Variants in MCTP1 observed in about 807,000 individuals in gnomAD.
The protein encoded by MCTP1 is multiple C2 and transmembrane domain-containing protein 1.
In MCTP1, 69 loss-of-function variants were observed where a neutral mutation model predicts 120.6. The observed-to-expected ratio is 0.57, with a 90% CI of 0.47 to 0.70. MCTP1 has a LOEUF of 0.70. Among genes scored for constraint, MCTP1 ranks in the 30% least tolerant of loss-of-function variants. The pLI is 0.00. For synonymous variants in MCTP1, 529 were observed against 493.1 expected (o/e 1.07, Z -0.96); for missense variants, 1,203 against 1,248.8 (o/e 0.96, Z 0.55).
chr5:95,251,935 C>T (rs1268566093), intron 1 of MCTP1, among the ~76,000 whole-genome samples: 1 of 151,936 alleles, frequency 6.6e-6, no homozygotes, highest in East Asian at 1.9e-4. Flanking sequence ...AATCTTTTCC[C>T]AACCCAGAAA....
At chr5:95,214,209 T>C (rs1257252219) in intron 1 of MCTP1, among the ~76,000 whole-genome samples, 1 of 152,252 alleles carries the variant, frequency 6.6e-6, no homozygotes, top group East Asian at 1.9e-4. Context: ...GTGAAGGATA[T>C]GAACAGACAC....
chr5:94,812,131 A>G (rs887640592), intron 17 of MCTP1, among the ~76,000 whole-genome samples: 6 of 152,184 alleles, frequency 3.9e-5, no homozygotes, highest in Non-Finnish European at 8.8e-5. Context: ...TTTCCAGAAT[A>G]ATTGAATATT....
At chr5:95,016,176 T>C (rs958113553) in intron 2 of MCTP1, among the ~76,000 whole-genome samples, 2 of 152,028 alleles carry the variant, frequency 1.3e-5, no homozygotes, top group Non-Finnish European at 2.9e-5. Context: ...AGAATGTCTT[T>C]TTAAACTTTT....
chr5:94,995,886 C>T (rs1037859622), intron 2 of MCTP1, among the ~76,000 whole-genome samples: 1 of 152,118 alleles, frequency 6.6e-6, no homozygotes, highest in Admixed American at 6.6e-5. Flanking sequence ...AGGTGAAGAA[C>T]AAAAGATATG....
chr5:94,877,671 C>T (rs1405692627), intron 12 of MCTP1: 1 of 152,140 alleles, frequency 6.6e-6, no homozygotes, highest in Non-Finnish European at 1.5e-5. Context: ...TCTTTGAGGT[C>T]ACGACACTGA....
chr5:95,283,867 C>T lies in MCTP1; in HGVS notation c.709G>A (p.Gly237Ser), dbSNP rs761207624. The T allele has an allele frequency of 2.9e-6, 4 of 1,375,724 alleles. No homozygotes were observed. The highest frequency in any genetic ancestry group is 1.7e-5 in the South Asian group (1 of 58,456). 85.2% of individuals were successfully genotyped at this position (1,375,724 alleles called of 1,614,324 possible). A position where few individuals can be genotyped will look rare whatever the true frequency, so the allele number is the denominator to read the frequency against. ...CCACCGGCACTCACCTGGCTGCTGC[C>T]GTGCTCCTCGCCCGTCTCCGGGGCC... Reference protein sequence around the residue: ...SRAPETGEEHGSSQKIINTAG... With the variant: ...SRAPETGEEHSSSQKIINTAG... Residue 237 changes from glycine (G) to serine (S), a missense_variant, in exon 1 of 23, where the codon GGC becomes AGC. Gly to Ser is a moderately conservative substitution (Grantham distance 56). This residue lies in a region of MCTP1 where 463 missense variants were observed against 377.8 expected (regional missense o/e 1.23). Transcript: ENST00000515393.
At chr5:95,059,504 C>A (rs1025691245) in intron 1 of MCTP1, among the ~76,000 whole-genome samples, 9 of 151,898 alleles carry the variant, frequency 5.9e-5, no homozygotes, top group African/African-American at 2.2e-4. Context: ...GTACTCAAAT[C>A]TCAGCATTAT....
chr5:95,175,981 T>C (rs1477679265), intron 1 of MCTP1, among the ~76,000 whole-genome samples: 1 of 152,176 alleles, frequency 6.6e-6, no homozygotes, highest in Non-Finnish European at 1.5e-5. Context: ...AAACGCAGGC[T>C]GAAAGGCAAG....
intron 1 of MCTP1, among the ~76,000 whole-genome samples, chr5:95,261,609 C>T (rs926436040): frequency 6.6e-6 from 1 of 152,224 alleles, no homozygotes; most frequent in Admixed American, 6.5e-5. Context: ...ACCAGCAAAA[C>T]TTCCCCTGAT....
At chr5:95,108,247 C>G (rs1226816468) in intron 1 of MCTP1, among the ~76,000 whole-genome samples, 1 of 152,182 alleles carries the variant, frequency 6.6e-6, no homozygotes, top group Non-Finnish European at 1.5e-5. Context: ...TTGTCAATCT[C>G]CCTTCAAGTG....
intron 1 of MCTP1, among the ~76,000 whole-genome samples, chr5:95,085,362 C>T (rs1274225039): frequency 2.0e-5 from 3 of 150,984 alleles, no homozygotes; most frequent in African/African-American, 7.3e-5. Context: ...AATTTGCATG[C>T]TTTAAGCTTT....
chr5:95,166,600 A>C (rs1172164692), intron 1 of MCTP1, among the ~76,000 whole-genome samples: 1 of 130,728 alleles, frequency 7.6e-6, no homozygotes, highest in Non-Finnish European at 1.6e-5. Flanking sequence ...ATGGAGTCTC[A>C]CTCGTCACCC....
chr5:94,783,327 T>A (rs779608559), intron 18 of MCTP1, among the ~76,000 whole-genome samples: 16 of 152,118 alleles, frequency 1.1e-4, no homozygotes, highest in Non-Finnish European at 2.1e-4. Flanking sequence ...GCCATACATT[T>A]AAAAAATACA....
intron 1 of MCTP1, among the ~76,000 whole-genome samples, chr5:95,198,606 A>T (rs1750650678): frequency 6.6e-6 from 1 of 152,160 alleles, no homozygotes; most frequent in African/African-American, 2.4e-5. Flanking sequence ...TCAGGTCGGA[A>T]TCCCATTGTA....
chr5:94,716,376 T>C (rs1754107041), intron 19 of MCTP1, among the ~76,000 whole-genome samples: 1 of 151,474 alleles, frequency 6.6e-6, no homozygotes, highest in Non-Finnish European at 1.5e-5. Context: ...CATCAATTTA[T>C]CTTTCACACT....
At chr5:94,967,917 G>T (rs1280459641) in intron 2 of MCTP1, among the ~76,000 whole-genome samples, 1 of 152,116 alleles carries the variant, frequency 6.6e-6, no homozygotes, top group Non-Finnish European at 1.5e-5. Flanking sequence ...CCATCACTTA[G>T]TGGCTTTTAG....
At chr5:94,793,423 A>T (rs1779384701) in intron 18 of MCTP1, 1 of 152,190 alleles carries the variant, frequency 6.6e-6, no homozygotes, top group Non-Finnish European at 1.5e-5. Flanking sequence ...TTTGAAAAAA[A>T]CTGAGAAAAC....
At chr5:95,059,551 C>T (rs191224483) in intron 1 of MCTP1, among the ~76,000 whole-genome samples, 30 of 151,996 alleles carry the variant, frequency 2.0e-4, no homozygotes, top group Non-Finnish European at 3.4e-4. Flanking sequence ...ACATGCACCC[C>T]TGAATCTAAC....
At chr5:94,950,019 G>A (rs969957026) in intron 3 of MCTP1, among the ~76,000 whole-genome samples, 1 of 150,766 alleles carries the variant, frequency 6.6e-6, no homozygotes, top group Non-Finnish European at 1.5e-5. Flanking sequence ...ACAAATAATG[G>A]AAAAAATAAA....
Sources: gnomAD v4.1 joint callset for allele counts (sites outside exome capture counted in the v4.1 genomes callset) on GRCh38, gnomAD v4.1.1 for gene constraint, gnomAD v4.1.1 regional missense constraint, MANE v1.5 for transcripts, NCBI Gene and HGNC (gene_info 2026-07-23, HGNC 2026-07-21) for gene names.